The following STAG1 variants were observed in gnomAD, a reference collection of about 807,000 sequenced individuals.
STAG1 encodes cohesin subunit SA-1.
In STAG1, 26 loss-of-function variants were observed where a neutral mutation model predicts 170.9. The ratio of observed to expected loss-of-function variants is 0.15; its 90% confidence interval spans 0.11 to 0.21. The LOEUF is 0.21. Ranked by LOEUF, STAG1 falls within the 10% of genes least tolerant of loss-of-function variation. The pLI, the probability that STAG1 is intolerant of heterozygous loss-of-function variation, is 1.00. For missense variants in STAG1, 964 were observed against 1,509.5 expected, an observed-to-expected ratio of 0.64 and a Z score of 5.99; for synonymous variants, 514 against 497.7, an observed-to-expected ratio of 1.03 and a Z score of -0.44.
chr3:136,468,205 A>G (rs1265678717), intron 12 of STAG1, among the ~76,000 whole-genome samples: 4 of 152,216 alleles, frequency 2.6e-5, no homozygotes, highest in African/African-American at 9.6e-5. Context: ...TCAAAAAATC[A>G]ATGAATCTAG....
intron 9 of STAG1, among the ~76,000 whole-genome samples, chr3:136,487,797 A>G (rs952547449): frequency 6.6e-6 from 1 of 152,214 alleles, no homozygotes; most frequent in African/African-American, 2.4e-5. Context: ...TCTCTGATGA[A>G]TATAATGTAG....
At chr3:136,499,893 C>A (rs1404294062) in intron 9 of STAG1, 1 of 171,218 alleles carries the variant, frequency 5.8e-6, no homozygotes, top group Non-Finnish European at 1.2e-5. Flanking sequence ...AGAAGTAGGG[C>A]ACTTAATTTT....
At chr3:136,606,460 T>C (rs531049629) in intron 3 of STAG1, among the ~76,000 whole-genome samples, 1 of 152,310 alleles carries the variant, frequency 6.6e-6, no homozygotes, top group South Asian at 2.1e-4. Context: ...AGTGCCACAA[T>C]GACAGGCATC....
chr3:136,633,196 A>G (rs931072391), intron 1 of STAG1, among the ~76,000 whole-genome samples: 13 of 152,240 alleles, frequency 8.5e-5, no homozygotes, highest in African/African-American at 2.9e-4. Context: ...TTTCGGCCAG[A>G]AAGTACCCCC....
intron 1 of STAG1, among the ~76,000 whole-genome samples, chr3:136,706,020 T>C (rs527532342): frequency 2.6e-5 from 4 of 151,916 alleles, no homozygotes; most frequent in African/African-American, 7.2e-5. Flanking sequence ...CCATAAGCCA[T>C]GATCATGCCA....
At chr3:136,466,926 T>C (rs896687470) in intron 12 of STAG1, among the ~76,000 whole-genome samples, 12 of 152,230 alleles carry the variant, frequency 7.9e-5, no homozygotes, top group Admixed American at 6.5e-4. Flanking sequence ...GAAGGAGAAA[T>C]AAAATCCTTT....
chr3:136,727,599 ACT>A, intron 1 of STAG1, among the ~76,000 whole-genome samples: 1 of 152,268 alleles, frequency 6.6e-6, no homozygotes, highest in East Asian at 1.9e-4. Flanking sequence ...TAAGGATGGA[ACT>A]CTGTCTCTGA....
chr3:136,633,101 T>C (rs1475582990), intron 1 of STAG1, among the ~76,000 whole-genome samples: 1 of 152,172 alleles, frequency 6.6e-6, no homozygotes, highest in Non-Finnish European at 1.5e-5. Context: ...GGTGAAAGGA[T>C]GATTCCCAGA....
At chr3:136,468,233 A>C (rs919039104) in intron 12 of STAG1, among the ~76,000 whole-genome samples, 1 of 152,264 alleles carries the variant, frequency 6.6e-6, no homozygotes, top group Non-Finnish European at 1.5e-5. Context: ...TTTTTTGAAA[A>C]GATCAACAAA....
intron 1 of STAG1, among the ~76,000 whole-genome samples, chr3:136,688,808 A>G (rs1384732028): frequency 6.6e-6 from 1 of 152,216 alleles, no homozygotes; most frequent in East Asian, 1.9e-4. Context: ...ACAGCCTGTG[A>G]TTGTTTTTAA....
intron 1 of STAG1, among the ~76,000 whole-genome samples, chr3:136,649,342 G>T (rs1254153588): frequency 1.3e-5 from 2 of 151,902 alleles, no homozygotes; most frequent in African/African-American, 2.4e-5. Context: ...AGTAGGGCAT[G>T]GTGGCACGTG....
In STAG1 at chr3:136,412,922, C is replaced by T. The variant is rs112054152; in HGVS notation, c.2196+4963G>A. ...TATCACCCAGGCTGGAGTGCAGTGG[C>T]GTAAATCTCAGCTCACTGCAACCTC... is the stretch of plus-strand genomic sequence containing the variant. On this transcript the variant is annotated intron_variant, in intron 21 of 33. Coordinates refer to ENST00000383202, the MANE Select transcript of STAG1 (RefSeq NM_005862.3). 4.7e-5 allele frequency among the ~76,000 whole-genome samples: 7 copies of T among 149,064 alleles called. 1 individual carries two copies. The highest frequency in any genetic ancestry group is 9.8e-5 in the African/African-American group (4 of 40,656).
At chr3:136,492,324 T>G (rs1324597178) in intron 9 of STAG1, among the ~76,000 whole-genome samples, 1 of 152,222 alleles carries the variant, frequency 6.6e-6, no homozygotes, top group African/African-American at 2.4e-5. Context: ...AAATCAACAT[T>G]GTAACAGTAA....
At chr3:136,566,701 T>G (rs138092731) in intron 5 of STAG1, among the ~76,000 whole-genome samples, 2 of 152,216 alleles carry the variant, frequency 1.3e-5, no homozygotes, top group African/African-American at 4.8e-5. Flanking sequence ...ACAATTCCTA[T>G]AGCTGACGAT....
intron 20 of STAG1, among the ~76,000 whole-genome samples, chr3:136,419,455 CTTTT>C (rs1181578086): frequency 6.8e-6 from 1 of 147,604 alleles, no homozygotes; most frequent in Non-Finnish European, 1.5e-5. Context: ...CGCACCCAGC[CTTTT>C]TTTTTTAAAG....
chr3:136,518,454 C>A, intron 7 of STAG1: 1 of 697,532 alleles, frequency 1.4e-6, no homozygotes, highest in South Asian at 1.5e-5. Flanking sequence ...TTAATCTATT[C>A]CTCGTACATA....
intron 1 of STAG1, among the ~76,000 whole-genome samples, chr3:136,643,977 T>C (rs1240154008): frequency 2.0e-5 from 3 of 152,216 alleles, no homozygotes; most frequent in African/African-American, 7.2e-5. Context: ...AGTTCGATAC[T>C]TAATTTTTTT....
intron 14 of STAG1, among the ~76,000 whole-genome samples, chr3:136,450,675 CA>C (rs2088910585): frequency 6.6e-6 from 1 of 152,182 alleles, no homozygotes; most frequent in Non-Finnish European, 1.5e-5. Context: ...CACTTTTTAA[CA>C]AATAAAATTG....
At chr3:136,381,908 AG>A in intron 22 of STAG1, among the ~76,000 whole-genome samples, 1 of 152,338 alleles carries the variant, frequency 6.6e-6, no homozygotes, top group South Asian at 2.1e-4. Context: ...AACTCAAATG[AG>A]AACAGATAGC....
Sources: allele counts gnomAD v4.1 joint callset (sites outside exome capture counted in the v4.1 genomes callset), GRCh38; gene constraint gnomAD v4.1.1; transcripts MANE v1.5; gene names NCBI Gene and HGNC (gene_info 2026-07-23, HGNC 2026-07-21).